H4C2: variants seen among roughly 807,000 people sequenced by gnomAD.
H4C2 encodes histone H4.
H4C2 carries 8 observed loss-of-function variants against 5.0 expected under a neutral mutation model. That is an observed-to-expected ratio of 1.61 (90% CI 0.94 to 2.90). The LOEUF (loss-of-function observed/expected upper bound fraction) is 2.90, where lower values mean the gene tolerates loss of function less well. Ranked by LOEUF, H4C2 falls within the 30% of genes most tolerant of loss-of-function variation. The pLI is 0.00. For missense variants in H4C2, 267 were observed against 145.6 expected (o/e 1.83, Z -4.29); for synonymous variants, 145 against 54.0 (o/e 2.69, Z -7.39).
At position 26,027,160 on chromosome 6, in the gene H4C2, G is replaced by T; in HGVS notation, c.93C>A (p.Thr31=). ...KVLRDNIQGI[T]KPAIRRLARR... is the part of the protein sequence containing the mutation. ...TAGCAAGGCGCCGAATGGCCGGTTT[G>T]GTGATGCCTTGGATGTTATCCCGCA... The change falls in exon 1 of 1, where the codon ACC becomes ACA. Residue 31 remains threonine, a synonymous_variant. Transcript: ENST00000377745. The T allele has an allele frequency of 6.2e-7, 1 of 1,614,226 alleles. No homozygotes were observed. Among genetic ancestry groups the T allele is most frequent in the Non-Finnish European group, 8.5e-7 (1 of 1,180,042 alleles).
rs775276464 is a variant in H4C2 at position 26,027,216 on chromosome 6, T to C, written c.37A>G (p.Lys13Glu). The change falls in exon 1 of 1, where the codon AAG (lysine) becomes GAG (glutamate). Residue 13 changes from lysine (K) to glutamate (E), a missense_variant. Coordinates refer to ENST00000377745, the MANE Select transcript of H4C2 (RefSeq NM_003544.3). ...TTTCGGTGACGCTTGGCACCTCCCT[T>C]ACCCAAACCTTTACCGCCTTTGCCG... is the stretch of plus-strand genomic sequence containing the variant. The part of the protein sequence containing the change: ...GRGKGGKGLG[K>E]GGAKRHRKVL... The C allele has an allele frequency of 4.3e-6, 7 of 1,610,104 alleles. No individual in the cohort carries two copies. Among genetic ancestry groups the C allele is most frequent in the Non-Finnish European group, 4.2e-6 (5 of 1,176,540 alleles).
rs115249469 is a variant in H4C2, at chr6:26,027,058, G to A, written c.195C>T (p.Asn65=). ...TGTAGGTCACGGCGTCCCGGATCAC[G>A]TTCTCCAGAAACACCTTGAGAACGC... ...TRGVLKVFLE[N]VIRDAVTYTE... is the part of the protein sequence containing the mutation. The change falls in exon 1 of 1, where the codon AAC becomes AAT. Residue 65 remains asparagine (N), a synonymous_variant. Coordinates refer to ENST00000377745, the MANE Select transcript of H4C2 (RefSeq NM_003544.3). The A allele has an allele frequency of 3.3e-3, 5,349 of 1,598,250 alleles. 28 individuals carry two copies. Among genetic ancestry groups the A allele is most frequent in the South Asian group, 0.014 (1,242 of 88,540 alleles).
rs752050927 is a variant in H4C2, at chr6:26,027,009, C to G, written c.244G>C (p.Val82Leu). ...GCGTAAACCACATCCATGGCAGTGA[C>G]AGTCTTGCGCTTGGCGTGCTCCGTG... ...TYTEHAKRKT[V>L]TAMDVVYALK... Residue 82 changes from valine (V) to leucine (L), a missense_variant, in exon 1 of 1, where the codon GTC becomes CTC. By Grantham distance (32) the Val-to-Leu change is conservative (BLOSUM62 1). Transcript: ENST00000377745. The G allele has an allele frequency of 1.3e-5, 21 of 1,612,908 alleles. No homozygotes were observed. Among genetic ancestry groups the G allele is most frequent in the Admixed American group, 1.7e-5 (1 of 59,994 alleles).
chr6:26,027,283 CGCGAAAAGAAAGCAA>C, upstream of H4C2: 1 of 1,574,820 alleles, frequency 6.3e-7, no homozygotes, highest in Non-Finnish European at 8.7e-7. Flanking sequence ...AAACCAGGTA[CGCGAAAAGAAAGCAA>C]GCCACGAGCA....
rs766918749 is a variant in H4C2, at chr6:26,027,051, G to C, written c.202C>G (p.Arg68Gly). The change falls in exon 1 of 1, where the codon CGG (arginine) becomes GGG (glycine). Residue 68 changes from arginine to glycine, a missense_variant. Coordinates refer to ENST00000377745, the MANE Select transcript of H4C2 (RefSeq NM_003544.3). Reference sequence around the variant, plus strand: ...TGCTCCGTGTAGGTCACGGCGTCCCGGATCACGTTCTCCAGAAACACCTTG... The same window carrying C: ...TGCTCCGTGTAGGTCACGGCGTCCCCGATCACGTTCTCCAGAAACACCTTG... ...VLKVFLENVI[R>G]DAVTYTEHAK... is the part of the protein sequence containing the mutation. 1 of 1,611,006 alleles carries C rather than the reference G, an allele frequency of 6.2e-7. No individual in the cohort carries two copies. The highest frequency in any genetic ancestry group is 8.5e-7 in the Non-Finnish European group (1 of 1,178,594).
rs1291657970 is a variant in H4C2 at position 26,026,935 on chromosome 6, A to T, written c.*6T>A. The T allele has an allele frequency of 6.2e-7, 1 of 1,601,914 alleles. No homozygotes were observed. The highest frequency in any genetic ancestry group is 8.5e-7 in the Non-Finnish European group (1 of 1,172,754). On this transcript the variant is annotated 3_prime_UTR_variant, in exon 1 of 1. Transcript: ENST00000377745. ...AAGGGCCATTGGAAGAAAACTGACG[A>T]AAAGATTAACCGCCGAAGCCGTACA... is the stretch of plus-strand genomic sequence containing the variant.
rs139832518 is a variant in H4C2 at position 26,027,037 on chromosome 6, G to A, written c.216C>T (p.Thr72=). Residue 72 remains threonine, a synonymous_variant, in exon 1 of 1, where the codon ACC becomes ACT. Transcript: ENST00000377745. ...FLENVIRDAV[T]YTEHAKRKTV... ...TCTTGCGCTTGGCGTGCTCCGTGTA[G>A]GTCACGGCGTCCCGGATCACGTTCT... 1.3e-3 allele frequency: 2,142 copies of A among 1,614,196 alleles called. 23 individuals are homozygous for A. The highest frequency in any genetic ancestry group is 3.7e-3 in the Admixed American group (224 of 60,022).
chr6:26,027,263 C>A lies in H4C2; in HGVS notation c.-11G>T, dbSNP rs188668625. 4.4e-6 allele frequency: 7 copies of A among 1,587,334 alleles called. No individual in the cohort carries two copies. The highest frequency in any genetic ancestry group is 6.0e-6 in the Non-Finnish European group (7 of 1,160,364). ...GCCGCGACCAGACATGTCTAACCAGCTGACAACAAAAACCAGGTACGCGAA... is the reference window on the plus strand; with the variant it reads ...GCCGCGACCAGACATGTCTAACCAGATGACAACAAAAACCAGGTACGCGAA... On this transcript the variant is annotated 5_prime_UTR_variant, in exon 1 of 1. Coordinates refer to ENST00000377745, the MANE Select transcript of H4C2 (RefSeq NM_003544.3).
chr6:26,027,110 G>C lies in H4C2; in HGVS notation c.143C>G (p.Ser48Cys). The part of the protein sequence containing the change: ...LARRGGVKRI[S>C]GLIYEETRGV... ...ACGAGTCTCCTCATAAATCAAACCG[G>C]AAATTCGCTTAACCCCACCACGCCT... Residue 48 changes from serine (S) to cysteine (C), a missense_variant, in exon 1 of 1, where the codon TCC becomes TGC. Ser to Cys is a moderately radical substitution (Grantham distance 112, BLOSUM62 -1). Transcript: ENST00000377745. 2 of 1,614,216 alleles carry C rather than the reference G, an allele frequency of 1.2e-6. No homozygotes were observed. Among genetic ancestry groups the C allele is most frequent in the Non-Finnish European group, 1.7e-6 (2 of 1,180,042 alleles).
Sources: gnomAD v4.1 joint callset for allele counts on GRCh38, gnomAD v4.1.1 for gene constraint, MANE v1.5 for transcripts, NCBI Gene and HGNC (gene_info 2026-07-23, HGNC 2026-07-21) for gene names.